The following ZNF749 variants were observed in gnomAD, a reference collection of about 807,000 sequenced individuals.
ZNF749 encodes zinc finger protein 749.
Under a neutral mutation model 7.3 loss-of-function variants are expected in ZNF749, and 8 were observed. The observed-to-expected ratio is 1.10, with a 90% CI of 0.64 to 1.98. The LOEUF (loss-of-function observed/expected upper bound fraction) is 1.98, where lower values mean the gene tolerates loss of function less well. Among genes scored for constraint, ZNF749 ranks in the 30% most tolerant of loss-of-function variants. ZNF749 has a pLI of 0.00. For synonymous variants in ZNF749, 310 were observed against 322.4 expected, an observed-to-expected ratio of 0.96 and a Z score of 0.41; for missense variants, 898 against 932.4, an observed-to-expected ratio of 0.96 and a Z score of 0.48.
rs1456458304 is a variant in ZNF749 at position 57,439,436 on chromosome 19, T to G, written c.16-2449T>G. Among the ~76,000 whole-genome samples the G allele has an allele frequency of 6.6e-6, 1 of 152,142 alleles. No homozygotes were observed. The highest frequency in any genetic ancestry group is 1.5e-5 in the Non-Finnish European group (1 of 68,024). The stretch of plus-strand genomic sequence containing the variant: ...TAAGTTCTGTAGTAGGGGGAGTGTT[T>G]ATATAGTAGAGCATATGAGGAACCA... On this transcript the variant is annotated intron_variant, in intron 1 of 2. Coordinates refer to ENST00000334181, the MANE Select transcript of ZNF749 (RefSeq NM_001023561.4). This position sits in a 1 kb window ranked among gnomAD's most constrained non-coding sequence, Gnocchi z 4.3.
At position 57,441,952 on chromosome 19, in the gene ZNF749, C is replaced by G; in HGVS notation, c.83C>G (p.Ala28Gly). The part of the protein sequence containing the change: ...SQEEWGILND[A>G]QRHLHSNVML... ...GAGGAATGGGGGATCCTTAATGATG[C>G]TCAGAGACACCTGCACAGCAATGTG... Residue 28 changes from alanine (A) to glycine (G), a missense_variant, in exon 2 of 3, where the codon GCT becomes GGT. Transcript: ENST00000334181. 6.2e-7 allele frequency: 1 copy of G among 1,614,158 alleles called. No individual in the cohort carries two copies. Among genetic ancestry groups the G allele is most frequent in the Non-Finnish European group, 8.5e-7 (1 of 1,180,018 alleles).
Position 57,445,357 on chromosome 19 carries a change from A to C in ZNF749, c.2209A>C (p.Asn737His), listed in dbSNP as rs375216153. The C allele has an allele frequency of 4.2e-5, 68 of 1,613,792 alleles. No homozygotes were observed. Among genetic ancestry groups the C allele is most frequent in the Non-Finnish European group, 5.5e-5 (65 of 1,179,848 alleles). Residue 737 changes from asparagine to histidine, a missense_variant, in exon 3 of 3, where the codon AAT becomes CAT. Transcript: ENST00000334181. ...RECGKDFNKC[N>H]TGQRQKTHTG... Reference sequence around the variant, plus strand: ...ATGTGGGAAAGACTTCAACAAATGTAATACTGGTCAGCGCCAAAAAACTCA... The same window carrying C: ...ATGTGGGAAAGACTTCAACAAATGTCATACTGGTCAGCGCCAAAAAACTCA...
upstream of ZNF749, among the ~76,000 whole-genome samples, chr19:57,433,972 C>A (rs548904328): frequency 6.6e-6 from 1 of 152,232 alleles, no homozygotes; most frequent in African/African-American, 2.4e-5. Flanking sequence ...ACCTACAGTC[C>A]CAGCTGCTCT....
In ZNF749 at chr19:57,443,597, G is replaced by A. The variant is rs1465903200; in HGVS notation, c.449G>A (p.Arg150Lys). The A allele has an allele frequency of 1.2e-6, 2 of 1,614,262 alleles. No individual in the cohort carries two copies. The highest frequency in any genetic ancestry group is 2.2e-5 in the East Asian group (1 of 44,892). Residue 150 changes from arginine (R) to lysine (K), a missense_variant, in exon 3 of 3, where the codon AGG becomes AAG. By Grantham distance (26) the Arg-to-Lys change is conservative. Transcript: ENST00000334181. ...AACCACAGTGCTCACGTGGGAGAGA[G>A]GAACTTCACATGCACGCAGGGTGGC... ...FVNHSAHVGERNFTCTQGGKD... is the reference protein window; with the variant it reads ...FVNHSAHVGEKNFTCTQGGKD...
rs1600106713 is a variant in ZNF749, at chr19:57,444,542, CA to C, written c.1399del (p.Arg467GlyfsTer60). 1.2e-6 allele frequency: 2 copies of C among 1,613,698 alleles called. No individual in the cohort carries two copies. Among genetic ancestry groups the C allele is most frequent in the East Asian group, 2.2e-5 (1 of 44,876 alleles). On this transcript the variant is annotated frameshift_variant, in exon 3 of 3. Coordinates refer to ENST00000334181, the MANE Select transcript of ZNF749 (RefSeq NM_001023561.4). LOFTEE classifies it low-confidence loss of function (END_TRUNC). ...CAGAAAATCCACACTGATGCATTTTCAAAAAGGTCTGACCTCATTCAACACA... is the reference window on the plus strand; with the variant it reads ...CAGAAAATCCACACTGATGCATTTTCAAAAGGTCTGACCTCATTCAACACA... Reference protein sequence around the residue: ...QHQKIHTDAFSKRSDLIQHKR... With the variant: ...QHQKIHTDAFXKRSDLIQHKR...
At chr19:57,432,891 G>A (rs993972629), upstream of ZNF749, among the ~76,000 whole-genome samples, 2 of 152,090 alleles carry the variant, frequency 1.3e-5, no homozygotes, top group Non-Finnish European at 2.9e-5. Context: ...TATGCTTAAT[G>A]GTAGCATTCA....
At chr19:57,429,088 G>A in the ZNF749 span, among the ~76,000 whole-genome samples, 1 of 151,936 alleles carries the variant, frequency 6.6e-6, no homozygotes, top group Non-Finnish European at 1.5e-5. This position sits in a 1 kb window ranked among gnomAD's most constrained non-coding sequence, Gnocchi z 4.2. Flanking sequence ...GTGCAATGGC[G>A]ATCTCAGCTC....
chr19:57,442,127 T>C lies in ZNF749; in HGVS notation c.142+116T>C, dbSNP rs1315867522. 6.2e-5 allele frequency: 86 copies of C among 1,381,566 alleles called. No individual in the cohort carries two copies. The highest frequency in any genetic ancestry group is 7.9e-5 in the Non-Finnish European group (80 of 1,013,172). 85.6% of individuals were successfully genotyped at this position (1,381,566 alleles called of 1,614,324 possible). A position where few individuals can be genotyped will look rare whatever the true frequency, so the allele number is the denominator to read the frequency against. On this transcript the variant is annotated intron_variant, in intron 2 of 2. Transcript: ENST00000334181. This position sits in a 1 kb window ranked among gnomAD's most constrained non-coding sequence, Gnocchi z 6.6. Reference sequence around the variant, plus strand: ...GTGAGTGCTACGTCCTGTCCTCTCCTGGTTTCCTGGCAAATGTGATAAGGC... The same window carrying C: ...GTGAGTGCTACGTCCTGTCCTCTCCCGGTTTCCTGGCAAATGTGATAAGGC...
At chr19:57,431,682 A>G (rs2088899604), upstream of ZNF749, among the ~76,000 whole-genome samples, 1 of 152,144 alleles carries the variant, frequency 6.6e-6, no homozygotes, top group African/African-American at 2.4e-5. Flanking sequence ...AAAAAGAAAA[A>G]GAAGATAAGA....
At chr19:57,443,144 C>T in intron 2 of ZNF749, 147 bp from the exon 3 acceptor site, 1 of 675,824 alleles carries the variant, frequency 1.5e-6, no homozygotes, top group Non-Finnish European at 2.5e-6. Flanking sequence ...CCTCTGAACA[C>T]TGGGCCTTCC....
chr19:57,435,348 T>A lies in ZNF749; in HGVS notation c.-231T>A. 1.6e-6 allele frequency: 1 copy of A among 628,312 alleles called. No individual in the cohort carries two copies. The highest frequency in any genetic ancestry group is 1.9e-5 in the South Asian group (1 of 51,768). 38.9% of individuals were successfully genotyped at this position (628,312 alleles called of 1,614,324 possible). On this transcript the variant is annotated 5_prime_UTR_variant, in exon 1 of 3. Coordinates refer to ENST00000334181, the MANE Select transcript of ZNF749 (RefSeq NM_001023561.4). ...GGACTTCTGGCGGCGCCCTCATGGTTGCGTTAGCATGGCTACCTAGGGATC... is the reference window on the plus strand; with the variant it reads ...GGACTTCTGGCGGCGCCCTCATGGTAGCGTTAGCATGGCTACCTAGGGATC...
chr19:57,435,815 G>C (rs566557093), intron 1 of ZNF749: 13 of 959,564 alleles, frequency 1.4e-5, no homozygotes, highest in African/African-American at 3.3e-5. Flanking sequence ...GCACTGGGGA[G>C]CCCGAGCGTC....
At chr19:57,435,762 G>A (rs2088929494) in intron 1 of ZNF749, 169 bp downstream of exon 1, 1 of 1,322,334 alleles carries the variant, frequency 7.6e-7, no homozygotes, top group Middle Eastern at 2.5e-4. Context: ...TCCCGTCGGA[G>A]ACCGACACGT....
intron 1 of ZNF749, among the ~76,000 whole-genome samples, chr19:57,438,921 T>G (rs1304407633): frequency 6.6e-6 from 1 of 152,160 alleles, no homozygotes; most frequent in Non-Finnish European, 1.5e-5. Flanking sequence ...GCTGGGATGT[T>G]TAGTGAACTG....
rs762272525 is a variant in ZNF749 at position 57,443,712 on chromosome 19, C to T, written c.564C>T (p.Ala188=). Residue 188 remains alanine, a synonymous_variant, in exon 3 of 3, where the codon GCC becomes GCT. Coordinates refer to ENST00000334181, the MANE Select transcript of ZNF749 (RefSeq NM_001023561.4). ...KLYRDTQDGE[A]FQGEQNDFNS... is the part of the protein sequence containing the mutation. Reference sequence around the variant, plus strand: ...ACAGGGATACCCAGGATGGGGAAGCCTTTCAAGGTGAACAGAATGATTTCA... The same window carrying T: ...ACAGGGATACCCAGGATGGGGAAGCTTTTCAAGGTGAACAGAATGATTTCA... 10 of 1,614,024 alleles carry T rather than the reference C, an allele frequency of 6.2e-6. No homozygotes were observed. In the Admixed American group the frequency reaches 1.7e-4, roughly 27 times the overall value.
Position 57,443,615 on chromosome 19 carries a change from A to T in ZNF749, c.467A>T (p.Gln156Leu), listed in dbSNP as rs181745270. The change falls in exon 3 of 3, where the codon CAG (glutamine) becomes CTG (leucine). Residue 156 changes from glutamine (Q) to leucine (L), a missense_variant. By Grantham distance (113) the Gln-to-Leu change is moderately radical (BLOSUM62 -2). Coordinates refer to ENST00000334181, the MANE Select transcript of ZNF749 (RefSeq NM_001023561.4). The stretch of plus-strand genomic sequence containing the variant: ...GGAGAGAGGAACTTCACATGCACGC[A>T]GGGTGGCAAGGATTTTACTGCCAGC... ...HVGERNFTCT[Q>L]GGKDFTASSD... 29 of 1,614,250 alleles carry T rather than the reference A, an allele frequency of 1.8e-5. No homozygotes were observed. In the East Asian group the frequency reaches 6.2e-4, roughly 35 times the overall value.
intron 1 of ZNF749, among the ~76,000 whole-genome samples, chr19:57,441,115 C>CAAAAA (rs35321744): frequency 6.5e-4 from 46 of 71,256 alleles, no homozygotes; most frequent in African/African-American, 2.8e-3. Flanking sequence ...ACTCTTGTCT[C>CAAAAA]AAAAAAAAAA....
At position 57,436,071 on chromosome 19, in the gene ZNF749, G is replaced by C. The variant is rs2088933274; in HGVS notation, c.15+478G>C. Among the ~76,000 whole-genome samples, 1 of 152,212 alleles carries C rather than the reference G, an allele frequency of 6.6e-6. No homozygotes were observed. Among genetic ancestry groups the C allele is most frequent in the Non-Finnish European group, 1.5e-5 (1 of 68,040 alleles). ...GGGAGATGTGATGAGACTCTGGATG[G>C]ATCTCAGAGATAGGGTCAACAGGAT... On this transcript the variant is annotated intron_variant, in intron 1 of 2. Coordinates refer to ENST00000334181, the MANE Select transcript of ZNF749 (RefSeq NM_001023561.4). This position sits in a 1 kb window ranked among gnomAD's most constrained non-coding sequence, Gnocchi z 4.0.
At chr19:57,434,285 T>C (rs559273312), upstream of ZNF749, among the ~76,000 whole-genome samples, 15 of 152,058 alleles carry the variant, frequency 9.9e-5, no homozygotes, top group Non-Finnish European at 1.9e-4. Flanking sequence ...TTAGTAGAGA[T>C]GGGGTTTCTA....
Sources: gnomAD v4.1 joint callset for allele counts (sites outside exome capture counted in the v4.1 genomes callset) on GRCh38, gnomAD v4.1.1 for gene constraint, Gnocchi (gnomAD v3.1) non-coding constraint, MANE v1.5 for transcripts, NCBI Gene and HGNC (gene_info 2026-07-23, HGNC 2026-07-21) for gene names.